The following BCL3 variants were observed in gnomAD, a reference collection of about 807,000 sequenced individuals.
The protein encoded by BCL3 is BCL3 transcription coactivator.
BCL3 carries 15 observed loss-of-function variants against 35.7 expected under a neutral mutation model. The observed-to-expected ratio is 0.42, with a 90% CI of 0.28 to 0.65. BCL3 has a LOEUF of 0.65. Ranked by LOEUF, BCL3 falls within the 30% of genes least tolerant of loss-of-function variation. The pLI, the probability that BCL3 is intolerant of heterozygous loss-of-function variation, is 0.22. For missense variants in BCL3, 565 were observed against 641.7 expected (o/e 0.88, Z 1.29); for synonymous variants, 311 against 284.3 (o/e 1.09, Z -0.95).
At position 44,757,451 on chromosome 19, in the gene BCL3, C is replaced by G; in HGVS notation, c.813+36C>G. 5 of 856,330 alleles carry G rather than the reference C, an allele frequency of 5.8e-6. No homozygotes were observed. Among genetic ancestry groups the G allele is most frequent in the Non-Finnish European group, 8.5e-6 (5 of 584,822 alleles). The allele number at this position is 856,330 out of a possible 1,614,324, so 53.0% of individuals were successfully genotyped here. A position where few individuals can be genotyped will look rare whatever the true frequency, so the allele number is the denominator to read the frequency against. The stretch of plus-strand genomic sequence containing the variant: ...ACTAGGAGCTGGGAGGGAGCGGGGC[C>G]TTAGCAGGGGCGGGGTCTTGGCGGG... On this transcript the variant is annotated intron_variant, in intron 5 of 8. Coordinates refer to ENST00000164227, the MANE Select transcript of BCL3 (RefSeq NM_005178.5). This position sits in a 1 kb window ranked among gnomAD's most constrained non-coding sequence, Gnocchi z 8.4.
At position 44,759,474 on chromosome 19, in the gene BCL3, C is replaced by A; in HGVS notation, c.1224C>A (p.Pro408=). 1.9e-6 allele frequency: 3 copies of A among 1,612,376 alleles called. No homozygotes were observed. The highest frequency in any genetic ancestry group is 2.5e-6 in the Non-Finnish European group (3 of 1,179,094). ...CCTCCTCACCCTCCCAGTCTCCCCC[C>A]AGGGACCCCCCTGGATTCCCCATGG... is the stretch of plus-strand genomic sequence containing the variant. The part of the protein sequence containing the change: ...SPSSSPSQSP[P]RDPPGFPMAP... Residue 408 remains proline (P), a synonymous_variant, in exon 9 of 9, where the codon CCC becomes CCA. Coordinates refer to ENST00000164227, the MANE Select transcript of BCL3 (RefSeq NM_005178.5).
intron 3 of BCL3, among the ~76,000 whole-genome samples, 175 bp downstream of exon 3, chr19:44,756,515 G>T: frequency 6.7e-6 from 1 of 149,958 alleles, no homozygotes; most frequent in African/African-American, 2.5e-5. Flanking sequence ...GAGGGCTGCG[G>T]GCCTGGGATC....
rs746033519 is a variant in BCL3 at position 44,759,656 on chromosome 19, C to T, written c.*41C>T. 4.7e-6 allele frequency: 7 copies of T among 1,502,564 alleles called. No homozygotes were observed. Among genetic ancestry groups the T allele is most frequent in the Non-Finnish European group, 6.2e-6 (7 of 1,120,804 alleles). The allele number at this position is 1,502,564 out of a possible 1,614,324, so 93.1% of individuals were successfully genotyped here. A position where few individuals can be genotyped will look rare whatever the true frequency, so the allele number is the denominator to read the frequency against. On this transcript the variant is annotated 3_prime_UTR_variant, in exon 9 of 9. Coordinates refer to ENST00000164227, the MANE Select transcript of BCL3 (RefSeq NM_005178.5). ...AGATCTTGGACTCATGAGGAGGGGC[C>T]CCCCTGCCCTGTGGGGTCAACCCTT...
chr19:44,759,623 G>C lies in BCL3; in HGVS notation c.*8G>C. Reference sequence around the variant, plus strand: ...GCTCCAGGAGGCAGCTGAGGGGGATGGGGGGGCAGATCTTGGACTCATGAG... The same window carrying C: ...GCTCCAGGAGGCAGCTGAGGGGGATCGGGGGGCAGATCTTGGACTCATGAG... On this transcript the variant is annotated 3_prime_UTR_variant, in exon 9 of 9. Coordinates refer to ENST00000164227, the MANE Select transcript of BCL3 (RefSeq NM_005178.5). The C allele has an allele frequency of 6.3e-7, 1 of 1,595,692 alleles. No homozygotes were observed. Among genetic ancestry groups the C allele is most frequent in the Non-Finnish European group, 8.5e-7 (1 of 1,174,610 alleles).
rs1967179787 is a variant in BCL3 at position 44,751,493 on chromosome 19, G to C, written c.410+113G>C. On this transcript the variant is annotated intron_variant, in intron 2 of 8. Coordinates refer to ENST00000164227, the MANE Select transcript of BCL3 (RefSeq NM_005178.5). Reference sequence around the variant, plus strand: ...AGTCAGAACTCGGTCTCCACCACAGGCTGTGTGACCTTGAGTAAGGCCCTT... The same window carrying C: ...AGTCAGAACTCGGTCTCCACCACAGCCTGTGTGACCTTGAGTAAGGCCCTT... The C allele has an allele frequency of 6.0e-6, 7 of 1,174,712 alleles. No homozygotes were observed. The South Asian group carries it at 1.2e-4, about 20-fold the overall frequency. 72.8% of individuals were successfully genotyped at this position (1,174,712 alleles called of 1,614,324 possible).
chr19:44,752,722 A>G (rs1967205063), intron 2 of BCL3, among the ~76,000 whole-genome samples: 1 of 152,182 alleles, frequency 6.6e-6, no homozygotes, highest in Non-Finnish European at 1.5e-5. Context: ...GCAATTGATC[A>G]TCATGATTCT....
At chr19:44,749,272 G>A (rs1967129936) in intron 1 of BCL3, among the ~76,000 whole-genome samples, 1 of 139,996 alleles carries the variant, frequency 7.1e-6, no homozygotes, top group African/African-American at 2.8e-5. Flanking sequence ...AAAGCCCAGG[G>A]GCTGAGTGAC....
At chr19:44,748,690 T>C, upstream of BCL3, 7 of 1,043,188 alleles carry the variant, frequency 6.7e-6, no homozygotes, top group Non-Finnish European at 8.1e-6. Context: ...CAAAAGTCCC[T>C]TCAGTTCAGC....
chr19:44,756,743 A>AGG (rs1220615880), intron 3 of BCL3, among the ~76,000 whole-genome samples: 1 of 142,526 alleles, frequency 7.0e-6, no homozygotes, highest in Non-Finnish European at 1.5e-5. Flanking sequence ...TGTTCCTGAG[A>AGG]GGGAGGGGGC....
chr19:44,758,186 T>C, intron 6 of BCL3, 60 bp from the exon 7 acceptor site: 1 of 1,400,254 alleles, frequency 7.1e-7, no homozygotes, highest in Non-Finnish European at 9.2e-7. Flanking sequence ...GCCTCCAGCC[T>C]CTGTTCCCTT....
At position 44,757,376 on chromosome 19, in the gene BCL3, G is replaced by A; in HGVS notation, c.774G>A (p.Val258=). The part of the protein sequence containing the change: ...VAVNTECQET[V]QLLLERGADI... ...TGAACACCGAGTGCCAAGAAACCGT[G>A]CAGCTCTTGCTAGAGCGCGGTGCCG... Residue 258 remains valine (V), a synonymous_variant, in exon 5 of 9, where the codon GTG becomes GTA. Coordinates refer to ENST00000164227, the MANE Select transcript of BCL3 (RefSeq NM_005178.5). This position sits in a 1 kb window ranked among gnomAD's most constrained non-coding sequence, Gnocchi z 8.4. The A allele has an allele frequency of 1.2e-6, 2 of 1,606,096 alleles. No individual in the cohort carries two copies. Among genetic ancestry groups the A allele is most frequent in the Non-Finnish European group, 1.7e-6 (2 of 1,176,508 alleles).
At chr19:44,751,531 C>A (rs1049327462) in intron 2 of BCL3, 151 bp downstream of exon 2, 2 of 747,388 alleles carry the variant, frequency 2.7e-6, no homozygotes, top group African/African-American at 1.9e-5. Context: ...CTGCTCTGAG[C>A]CTCAGTTTCC....
chr19:44,759,090 C>T (rs1275218735), intron 8 of BCL3, among the ~76,000 whole-genome samples: 2 of 126,660 alleles, frequency 1.6e-5, no homozygotes, highest in African/African-American at 6.1e-5. Context: ...TCCCTCATAC[C>T]CCCAGCCCCT....
Position 44,758,425 on chromosome 19 carries a change from C to A in BCL3, c.1059+12C>A. 6.5e-7 allele frequency: 1 copy of A among 1,538,054 alleles called. No individual in the cohort carries two copies. Among genetic ancestry groups the A allele is most frequent in the Non-Finnish European group, 8.8e-7 (1 of 1,142,516 alleles). On this transcript the variant is annotated intron_variant, in intron 7 of 8. Coordinates refer to ENST00000164227, the MANE Select transcript of BCL3 (RefSeq NM_005178.5). ...CGCGCAGCCGCAGGGTGAGCCGGGG[C>A]AGCTGTGGACATGCCCCTTGCACAC...
chr19:44,754,576 GC>G (rs1397009419), intron 2 of BCL3, among the ~76,000 whole-genome samples: 1 of 152,070 alleles, frequency 6.6e-6, no homozygotes, highest in Non-Finnish European at 1.5e-5. Context: ...ACCCCCTGCG[GC>G]CCGCGCGTTT....
chr19:44,759,312 G>C lies in BCL3; in HGVS notation c.1178-116G>C, dbSNP rs1433755131. ...TAAATCCCCAGCCCCTCCTCCCTCAGACCCGAGTCCAGACCCCCAGCCCCT... is the reference window on the plus strand; with the variant it reads ...TAAATCCCCAGCCCCTCCTCCCTCACACCCGAGTCCAGACCCCCAGCCCCT... On this transcript the variant is annotated intron_variant, in intron 8 of 8. Transcript: ENST00000164227. The C allele has an allele frequency of 1.6e-4, 81 of 516,142 alleles. No homozygotes were observed. The East Asian group carries it at 3.3e-3, about 21-fold the overall frequency. 32.0% of individuals were successfully genotyped at this position (516,142 alleles called of 1,614,324 possible).
chr19:44,756,593 A>G (rs1250499435), intron 3 of BCL3, among the ~76,000 whole-genome samples: 1,421 of 111,344 alleles, frequency 0.013, 33 homozygotes, highest in South Asian at 0.06. Flanking sequence ...GGGGATCTGG[A>G]CTCCTGGGTC....
chr19:44,758,515 G>T (rs1414309053), intron 7 of BCL3, 102 bp downstream of exon 7: 3 of 1,440,642 alleles, frequency 2.1e-6, no homozygotes, highest in Non-Finnish European at 2.8e-6. Context: ...TGTCTGTGCC[G>T]TTGCGTGGAG....
intron 2 of BCL3, among the ~76,000 whole-genome samples, chr19:44,752,751 G>T (rs532128252): frequency 6.6e-6 from 1 of 152,272 alleles, no homozygotes; most frequent in South Asian, 2.1e-4. Context: ...TATTGACCTG[G>T]GTTGGAATCT....
Sources: gnomAD v4.1 joint callset for allele counts (sites outside exome capture counted in the v4.1 genomes callset) on GRCh38, gnomAD v4.1.1 for gene constraint, Gnocchi (gnomAD v3.1) non-coding constraint, MANE v1.5 for transcripts, NCBI Gene and HGNC (gene_info 2026-07-23, HGNC 2026-07-21) for gene names.